CTIF: variants seen among roughly 807,000 people sequenced by gnomAD.
CTIF encodes cap binding complex dependent translation initiation factor, also known as CBP80/20-dependent translation initiation factor.
CTIF carries 21 observed loss-of-function variants against 66.0 expected under a neutral mutation model. The observed-to-expected ratio is 0.32, with a 90% CI of 0.23 to 0.46. The LOEUF is 0.46. CTIF is among the 20% of genes least tolerant of loss of function. The probability of loss-of-function intolerance (pLI) is 1.00; values close to 1 mark genes in which losing one functional copy is unlikely to be tolerated. For missense variants in CTIF, 739 were observed against 812.7 expected, an observed-to-expected ratio of 0.91 and a Z score of 1.10; for synonymous variants, 345 against 326.4, an observed-to-expected ratio of 1.06 and a Z score of -0.62.
intron 1 of CTIF, among the ~76,000 whole-genome samples, chr18:48,577,389 C>G (rs1375897601): frequency 6.6e-6 from 1 of 152,224 alleles, no homozygotes; most frequent in African/African-American, 2.4e-5. Flanking sequence ...CACACCTGGA[C>G]TTCCCTTCTG....
At chr18:48,738,843 A>T (rs373945762) in intron 7 of CTIF, among the ~76,000 whole-genome samples, 2 of 152,218 alleles carry the variant, frequency 1.3e-5, no homozygotes, top group South Asian at 4.1e-4. Context: ...ACCACTGTCG[A>T]GTAAGTGAAT....
chr18:48,550,575 C>G (rs532316959), intron 1 of CTIF, among the ~76,000 whole-genome samples: 1 of 152,316 alleles, frequency 6.6e-6, no homozygotes, highest in South Asian at 2.1e-4. Context: ...AATCTGTCCC[C>G]TCTGGGCTCC....
At position 48,765,994 on chromosome 18, in the gene CTIF, G is replaced by A. The variant is rs952786120; in HGVS notation, c.1371+4305G>A. ...ATACTTTAAGTTTTAGGGTACATGT[G>A]CACAACATGCAGGTTAGTTACATAT... On this transcript the variant is annotated intron_variant, in intron 9 of 11. Coordinates refer to ENST00000256413, the MANE Select transcript of CTIF (RefSeq NM_014772.3). Among the ~76,000 whole-genome samples, 4 of 143,726 alleles carry A rather than the reference G, an allele frequency of 2.8e-5. No homozygotes were observed. The East Asian group carries it at 6.1e-4, about 22-fold the overall frequency. The allele number at this position is 143,726 out of a possible 152,430, so 94.3% of individuals were successfully genotyped here. A position where few individuals can be genotyped will look rare whatever the true frequency, so the allele number is the denominator to read the frequency against.
At chr18:48,589,072 G>A (rs1268588456) in intron 1 of CTIF, among the ~76,000 whole-genome samples, 1 of 152,172 alleles carries the variant, frequency 6.6e-6, no homozygotes, top group Non-Finnish European at 1.5e-5. Context: ...CTCTGGGAAG[G>A]GGCAAATGCT....
intron 10 of CTIF, among the ~76,000 whole-genome samples, chr18:48,834,529 A>G (rs944191915): frequency 6.6e-6 from 1 of 152,220 alleles, no homozygotes; most frequent in African/African-American, 2.4e-5. Context: ...GATGGTTTCA[A>G]TGCACATTAA....
chr18:48,699,643 C>T (rs1193288109), intron 6 of CTIF, among the ~76,000 whole-genome samples: 2 of 152,224 alleles, frequency 1.3e-5, no homozygotes, highest in African/African-American at 4.8e-5. Context: ...TACGAAGCCT[C>T]AGGTTGGAGG....
chr18:48,817,275 G>C lies in CTIF; in HGVS notation c.1426G>C (p.Gly476Arg), dbSNP rs1259030657. 6.2e-7 allele frequency: 1 copy of C among 1,613,982 alleles called. No individual in the cohort carries two copies. Residue 476 changes from glycine (G) to arginine (R), a missense_variant, in exon 10 of 12, where the codon GGC (glycine) becomes CGC (arginine). Coordinates refer to ENST00000256413, the MANE Select transcript of CTIF (RefSeq NM_014772.3). ...LQQQDVERWLGFITFLCEVFG... is the reference protein window; with the variant it reads ...LQQQDVERWLRFITFLCEVFG... Reference sequence around the variant, plus strand: ...GCAGCAGGACGTGGAGCGCTGGCTGGGCTTCATCACCTTCCTGTGCGAGGT... The same window carrying C: ...GCAGCAGGACGTGGAGCGCTGGCTGCGCTTCATCACCTTCCTGTGCGAGGT...
chr18:48,781,061 T>C (rs1234993880), intron 9 of CTIF, among the ~76,000 whole-genome samples: 1 of 152,218 alleles, frequency 6.6e-6, no homozygotes, highest in East Asian at 1.9e-4. Flanking sequence ...AGCTTCTGGC[T>C]TTGTGAGCCC....
intron 6 of CTIF, among the ~76,000 whole-genome samples, chr18:48,698,992 C>T (rs1360254622): frequency 2.0e-5 from 3 of 152,124 alleles, no homozygotes; most frequent in Non-Finnish European, 4.4e-5. Context: ...GCTTCCTGGA[C>T]GAGGACCCAC....
chr18:48,788,595 G>A (rs758997573), intron 9 of CTIF, among the ~76,000 whole-genome samples: 2 of 152,172 alleles, frequency 1.3e-5, no homozygotes, highest in South Asian at 2.1e-4. Flanking sequence ...TACTAAGAAG[G>A]GCTCATGGAG....
Position 48,550,654 on chromosome 18 carries a change from T to C in CTIF, c.-29+11342T>C, listed in dbSNP as rs374595736. On this transcript the variant is annotated intron_variant, in intron 1 of 11. Transcript: ENST00000256413. ...TCCCACAGCACAGTCTGTGGGTTGC[T>C]AGAGCACTTAGCACTTCCCATCACT... is the stretch of plus-strand genomic sequence containing the variant. Among the ~76,000 whole-genome samples the C allele has an allele frequency of 6.9e-4, 105 of 152,234 alleles. 1 individual carries two copies. The highest frequency in any genetic ancestry group is 2.4e-3 in the African/African-American group (100 of 41,544).
chr18:48,632,414 C>G (rs1040458686), intron 2 of CTIF, among the ~76,000 whole-genome samples: 1 of 152,172 alleles, frequency 6.6e-6, no homozygotes, highest in South Asian at 2.1e-4. Flanking sequence ...CTGTGGACTC[C>G]ACCATCTTGC....
At chr18:48,682,403 CAA>C (rs1048946183) in intron 6 of CTIF, among the ~76,000 whole-genome samples, 2 of 152,198 alleles carry the variant, frequency 1.3e-5, no homozygotes, top group African/African-American at 4.8e-5. Flanking sequence ...GCTAGAACTG[CAA>C]AGTCTTGTGT....
chr18:48,837,645 C>T (rs2068842066), intron 10 of CTIF, among the ~76,000 whole-genome samples: 1 of 152,170 alleles, frequency 6.6e-6, no homozygotes, highest in Non-Finnish European at 1.5e-5. Context: ...CAGTGGTGCC[C>T]ACTCTGACTG....
At chr18:48,556,628 A>G (rs941522713) in intron 1 of CTIF, among the ~76,000 whole-genome samples, 6 of 151,760 alleles carry the variant, frequency 4.0e-5, no homozygotes, top group African/African-American at 7.3e-5. Flanking sequence ...GCAGTGGCGC[A>G]GTCTCAGCTC....
chr18:48,778,309 G>T (rs1021973601), intron 9 of CTIF, among the ~76,000 whole-genome samples: 5 of 152,188 alleles, frequency 3.3e-5, no homozygotes, highest in African/African-American at 1.2e-4. Context: ...TGTTCAAAGG[G>T]TATGTCATTT....
At chr18:48,815,814 G>A (rs971055645) in intron 9 of CTIF, among the ~76,000 whole-genome samples, 3 of 152,214 alleles carry the variant, frequency 2.0e-5, no homozygotes, top group African/African-American at 7.2e-5. Flanking sequence ...GGACTGGGCT[G>A]TGGGAATGCT....
intron 9 of CTIF, among the ~76,000 whole-genome samples, chr18:48,815,833 C>G (rs2068351306): frequency 6.6e-6 from 1 of 151,730 alleles, no homozygotes; most frequent in Non-Finnish European, 1.5e-5. Flanking sequence ...CTCTGAGTCA[C>G]ATTCTACAAC....
intron 1 of CTIF, among the ~76,000 whole-genome samples, chr18:48,557,287 G>A (rs767798690): frequency 1.3e-5 from 2 of 152,172 alleles, no homozygotes; most frequent in African/African-American, 4.8e-5. Context: ...GAGGGGGCTG[G>A]AACTCAGGCT....
Sources: allele counts gnomAD v4.1 joint callset (sites outside exome capture counted in the v4.1 genomes callset), GRCh38; gene constraint gnomAD v4.1.1; transcripts MANE v1.5; gene names NCBI Gene and HGNC (gene_info 2026-07-23, HGNC 2026-07-21).